The following SAMSN1 variants were observed in gnomAD, a reference collection of about 807,000 sequenced individuals.
The protein encoded by SAMSN1 is SAM domain, SH3 domain and nuclear localization signals 1.
Under a neutral mutation model 42.0 loss-of-function variants are expected in SAMSN1, and 31 were observed. The ratio of observed to expected loss-of-function variants is 0.74; its 90% CI spans 0.55 to 1.00. The LOEUF (loss-of-function observed/expected upper bound fraction) is 1.00, where lower values mean the gene tolerates loss of function less well. Among genes scored for constraint, SAMSN1 ranks in the 50% least tolerant of loss-of-function variants. The pLI is 0.00. For missense variants in SAMSN1, 464 were observed against 439.4 expected (o/e 1.06, Z -0.50); for synonymous variants, 178 against 151.9 (o/e 1.17, Z -1.26).
intron 4 of SAMSN1, chr21:14,612,577 A>G (rs1246429719): frequency 3.1e-5 from 16 of 511,186 alleles, no homozygotes; most frequent in Non-Finnish European, 6.3e-5. Flanking sequence ...CACCTTGACC[A>G]CGGAGCAGCC....
chr21:14,531,740 T>C (rs1474309468), intron 1 of SAMSN1, among the ~76,000 whole-genome samples: 18 of 152,248 alleles, frequency 1.2e-4, no homozygotes, highest in Non-Finnish European at 5.9e-5. Flanking sequence ...CTCATTACTT[T>C]GAAATTATGG....
intron 5 of SAMSN1, among the ~76,000 whole-genome samples, chr21:14,606,305 G>A (rs1982570828): frequency 6.6e-6 from 1 of 152,054 alleles, no homozygotes; most frequent in African/African-American, 2.4e-5. Context: ...CAGTTACACT[G>A]ATTGATTGAA....
intron 2 of SAMSN1, among the ~76,000 whole-genome samples, chr21:14,576,159 G>T (rs1344838338): frequency 1.3e-5 from 2 of 152,142 alleles, no homozygotes; most frequent in African/African-American, 4.8e-5. Context: ...TGTAGGTTGT[G>T]GGGGAGGCGT....
At chr21:14,587,787 C>T (rs1460524305), upstream of SAMSN1, among the ~76,000 whole-genome samples, 2 of 149,682 alleles carry the variant, frequency 1.3e-5, no homozygotes, top group African/African-American at 4.9e-5. Context: ...TTTTATTACA[C>T]TTTAAGTTTT....
rs564976516 is a variant in SAMSN1, at chr21:14,501,449, C to G, written c.562-714G>C. ...AGCTTGCAGGAAGTTAACGGCAGAACCAGAACTCAAGTTCAAGTTATCTTA... is the reference window on the plus strand; with the variant it reads ...AGCTTGCAGGAAGTTAACGGCAGAAGCAGAACTCAAGTTCAAGTTATCTTA... On this transcript the variant is annotated intron_variant, in intron 5 of 7. Coordinates refer to ENST00000400566, the MANE Select transcript of SAMSN1 (RefSeq NM_022136.5). Among the ~76,000 whole-genome samples, 8 of 152,236 alleles carry G rather than the reference C, an allele frequency of 5.3e-5. No individual in the cohort carries two copies. In the South Asian group the frequency reaches 1.7e-3, roughly 32 times the overall value.
At chr21:14,646,943 C>G (rs191619245) in intron 1 of SAMSN1, among the ~76,000 whole-genome samples, 1 of 152,198 alleles carries the variant, frequency 6.6e-6, no homozygotes, top group East Asian at 1.9e-4. Flanking sequence ...AAGCAAGAAA[C>G]TAAACCATGT....
intron 2 of SAMSN1, among the ~76,000 whole-genome samples, chr21:14,634,750 G>A (rs1568838621): frequency 1.3e-5 from 2 of 152,224 alleles, no homozygotes; most frequent in Non-Finnish European, 2.9e-5. Flanking sequence ...GTGGAAGACA[G>A]TGTGGTGATA....
At chr21:14,610,978 T>C (rs146407102) in intron 4 of SAMSN1, among the ~76,000 whole-genome samples, 40 of 152,292 alleles carry the variant, frequency 2.6e-4, no homozygotes, top group African/African-American at 9.1e-4. Context: ...CAGGTTGGAG[T>C]ACAGTGGTGT....
chr21:14,577,048 C>CTT (rs991163598), intron 2 of SAMSN1, among the ~76,000 whole-genome samples: 2,336 of 54,880 alleles, frequency 0.043, 216 homozygotes, highest in African/African-American at 0.098. Flanking sequence ...GCATCCGTTT[C>CTT]TTTTTTTTTT....
intron 1 of SAMSN1, among the ~76,000 whole-genome samples, chr21:14,525,751 C>A (rs1978807029): frequency 6.6e-6 from 1 of 152,108 alleles, no homozygotes; most frequent in South Asian, 2.1e-4. Flanking sequence ...TTACTACTCT[C>A]TAATTTTACA....
chr21:14,627,055 C>G (rs1032016119), intron 2 of SAMSN1, among the ~76,000 whole-genome samples: 5 of 152,094 alleles, frequency 3.3e-5, no homozygotes, highest in Non-Finnish European at 5.9e-5. Context: ...CATGTTCTCA[C>G]TCATAGGTGG....
chr21:14,494,499 T>A (rs940246488), intron 7 of SAMSN1, among the ~76,000 whole-genome samples: 2 of 151,344 alleles, frequency 1.3e-5, no homozygotes, highest in African/African-American at 4.9e-5. Flanking sequence ...CAAGTGGGAG[T>A]TGAACAATGA....
chr21:14,535,131 G>A (rs762471802), intron 1 of SAMSN1, among the ~76,000 whole-genome samples: 14 of 152,296 alleles, frequency 9.2e-5, no homozygotes, highest in Admixed American at 6.5e-4. Context: ...TGGTATTAGG[G>A]CCCAGACATA....
At chr21:14,525,926 T>C (rs1978820181) in intron 1 of SAMSN1, among the ~76,000 whole-genome samples, 1 of 152,148 alleles carries the variant, frequency 6.6e-6, no homozygotes, top group Non-Finnish European at 1.5e-5. Flanking sequence ...GTGCAGTGGC[T>C]CCATCTCGGC....
chr21:14,567,604 C>T (rs1568811763), intron 2 of SAMSN1, among the ~76,000 whole-genome samples: 1 of 152,162 alleles, frequency 6.6e-6, no homozygotes, highest in African/African-American at 2.4e-5. Flanking sequence ...TCTGTACACT[C>T]TTCCAGCTGA....
At chr21:14,580,258 G>A (rs904623100) in intron 2 of SAMSN1, among the ~76,000 whole-genome samples, 5 of 152,296 alleles carry the variant, frequency 3.3e-5, no homozygotes, top group African/African-American at 4.8e-5. Context: ...TTGGCAGTTC[G>A]GCATAGGAAA....
chr21:14,566,529 C>CAT (rs201973074), intron 2 of SAMSN1, among the ~76,000 whole-genome samples: 96 of 151,454 alleles, frequency 6.3e-4, no homozygotes, highest in Middle Eastern at 3.4e-3. Context: ...TAAAACCTTC[C>CAT]ATATATATAT....
intron 2 of SAMSN1, among the ~76,000 whole-genome samples, chr21:14,571,742 T>C (rs984229819): frequency 1.3e-5 from 2 of 151,718 alleles, no homozygotes; most frequent in African/African-American, 4.8e-5. Flanking sequence ...ATTCGGGAGG[T>C]CAGAAAAGGG....
intron 1 of SAMSN1, among the ~76,000 whole-genome samples, chr21:14,545,963 C>G (rs981524846): frequency 2.0e-5 from 3 of 152,162 alleles, no homozygotes; most frequent in Non-Finnish European, 4.4e-5. Flanking sequence ...ACTCAAACTT[C>G]ACTTACAGAT....
Sources: allele counts gnomAD v4.1 joint callset (sites outside exome capture counted in the v4.1 genomes callset), GRCh38; gene constraint gnomAD v4.1.1; transcripts MANE v1.5; gene names NCBI Gene and HGNC (gene_info 2026-07-23, HGNC 2026-07-21).